Variants in NRG1 observed in about 807,000 individuals in gnomAD.
NRG1 encodes the protein neuregulin 1.
Under a neutral mutation model 63.8 loss-of-function variants are expected in NRG1, and 18 were observed. That is an observed-to-expected ratio of 0.28 (90% CI 0.19 to 0.42). The LOEUF is 0.42. Among genes scored for constraint, NRG1 ranks in the 10% least tolerant of loss-of-function variants. NRG1 has a pLI of 1.00. For missense variants in NRG1, 762 were observed against 814.7 expected (o/e 0.94, Z 0.79); for synonymous variants, 302 against 301.3 (o/e 1.00, Z -0.02).
intron 1 of NRG1, among the ~76,000 whole-genome samples, chr8:32,235,127 C>T (rs769563742): frequency 9.4e-5 from 14 of 149,162 alleles, no homozygotes; most frequent in East Asian, 6.0e-4. Flanking sequence ...AAACAAATGC[C>T]GCACACCTGT....
chr8:32,585,109 A>G (rs12056746), intron 1 of NRG1, among the ~76,000 whole-genome samples: 38,972 of 152,056 alleles, frequency 0.26, 5,107 homozygotes, highest in South Asian at 0.33. Context: ...TAAGAAAATA[A>G]GTAAATATAT....
chr8:32,386,904 C>T (rs926782268), intron 1 of NRG1, among the ~76,000 whole-genome samples: 5 of 152,066 alleles, frequency 3.3e-5, no homozygotes, highest in Non-Finnish European at 5.9e-5. Context: ...CAGAGCAAAT[C>T]AAGACATAGC....
At chr8:32,576,279 A>C (rs1010233876) in intron 1 of NRG1, among the ~76,000 whole-genome samples, 1 of 152,208 alleles carries the variant, frequency 6.6e-6, no homozygotes, top group Non-Finnish European at 1.5e-5. Flanking sequence ...TGTCTAGCTC[A>C]GGAGAAACTT....
chr8:32,331,656 C>A (rs1015782465), intron 1 of NRG1, among the ~76,000 whole-genome samples: 1 of 152,146 alleles, frequency 6.6e-6, no homozygotes, highest in African/African-American at 2.4e-5. Context: ...ATCTTTACAT[C>A]ACAATGCAAA....
chr8:31,655,869 A>C (rs1369412682), intron 1 of NRG1, among the ~76,000 whole-genome samples: 2 of 152,208 alleles, frequency 1.3e-5, no homozygotes, highest in Non-Finnish European at 2.9e-5. Flanking sequence ...CAATGCCTAC[A>C]AAGGGCGGTG....
chr8:32,221,505 AAGGCAAATACATAGATATTTTGG>A (rs1232368953), intron 1 of NRG1, among the ~76,000 whole-genome samples: 1 of 152,234 alleles, frequency 6.6e-6, no homozygotes, highest in Non-Finnish European at 1.5e-5. Context: ...AAGATGGGGT[AAGGCAAATACATAGATATTTTGG>A]AGATCTTATC....
intron 1 of NRG1, among the ~76,000 whole-genome samples, chr8:31,759,662 T>A (rs1817331746): frequency 6.6e-6 from 1 of 152,106 alleles, no homozygotes; most frequent in Non-Finnish European, 1.5e-5. Context: ...CTAACTTTGT[T>A]TTTCTCTTTT....
intron 1 of NRG1, among the ~76,000 whole-genome samples, chr8:31,855,815 C>G (rs1489280851): frequency 2.6e-5 from 4 of 152,024 alleles, no homozygotes; most frequent in Admixed American, 1.3e-4. Context: ...CTGGTGGTGA[C>G]AAAATCTCTC....
intron 1 of NRG1, among the ~76,000 whole-genome samples, chr8:31,976,869 A>G (rs938777763): frequency 1.3e-5 from 2 of 152,204 alleles, no homozygotes; most frequent in Admixed American, 6.5e-5. Flanking sequence ...ATATATATCA[A>G]TGAAAACGTA....
upstream of NRG1, among the ~76,000 whole-genome samples, chr8:32,543,897 G>C (rs574127084): frequency 6.6e-6 from 1 of 152,272 alleles, no homozygotes; most frequent in South Asian, 2.1e-4. Context: ...TTGCTGGTCA[G>C]AAGTGCTTTG....
At chr8:32,647,883 G>C in intron 5 of NRG1, 2 of 1,614,086 alleles carry the variant, frequency 1.2e-6, no homozygotes, top group South Asian at 1.1e-5. Flanking sequence ...GGGCCTGGCC[G>C]TGCCCTGCTG....
At chr8:31,857,455 C>G (rs1334063765) in intron 1 of NRG1, among the ~76,000 whole-genome samples, 1 of 152,244 alleles carries the variant, frequency 6.6e-6, no homozygotes, top group African/African-American at 2.4e-5. Context: ...GAGGCAATGC[C>G]TCGCCCTGCT....
chr8:31,663,253 C>G (rs1806187498), intron 1 of NRG1, among the ~76,000 whole-genome samples: 2 of 152,178 alleles, frequency 1.3e-5, no homozygotes, highest in African/African-American at 4.8e-5. Context: ...TATACCCAAG[C>G]ACTGTTTACC....
intron 1 of NRG1, among the ~76,000 whole-genome samples, chr8:31,887,305 T>C (rs746549872): frequency 6.6e-6 from 1 of 152,074 alleles, no homozygotes; most frequent in Non-Finnish European, 1.5e-5. Context: ...TTTAAAAGCT[T>C]TCAGGCGCTC....
chr8:32,488,613 CCAAACAAA>C (rs34689410), intron 1 of NRG1, among the ~76,000 whole-genome samples: 79 of 150,286 alleles, frequency 5.3e-4, no homozygotes, highest in African/African-American at 1.8e-3. Flanking sequence ...CCATCTCTAC[CCAAACAAA>C]CAAACAAACA....
intron 1 of NRG1, among the ~76,000 whole-genome samples, chr8:32,503,334 G>A (rs150312810): frequency 0.013 from 1,486 of 111,936 alleles, 32 homozygotes; most frequent in African/African-American, 0.045. Flanking sequence ...AACTTAAATA[G>A]ATAAACTTTA....
chr8:32,762,600 G>A lies in NRG1; in HGVS notation c.1260-1148G>A, dbSNP rs181519001. On this transcript the variant is annotated intron_variant, in intron 11 of 11. Coordinates refer to ENST00000356819, the Ensembl canonical transcript of NRG1. ...CTCACGTCTGTATCACTGTGACTCC[G>A]GGAGAAGCAGGGAGGTTCATACGTT... 2.3e-3 allele frequency among the ~76,000 whole-genome samples: 354 copies of A among 152,250 alleles called. 1 individual carries two copies. Among genetic ancestry groups the A allele is most frequent in the African/African-American group, 7.7e-3 (319 of 41,538 alleles).
chr8:32,289,167 A>G (rs767697633), intron 1 of NRG1, among the ~76,000 whole-genome samples: 1 of 152,184 alleles, frequency 6.6e-6, no homozygotes, highest in Non-Finnish European at 1.5e-5. Flanking sequence ...TGACTCCTTA[A>G]AAGATATGCA....
chr8:32,451,952 A>C lies in NRG1; in HGVS notation c.38-143876A>C, dbSNP rs4733337. Among the ~76,000 whole-genome samples, 100 of 151,938 alleles carry C rather than the reference A, an allele frequency of 6.6e-4. 1 individual carries two copies. The highest frequency in any genetic ancestry group is 2.5e-4 in the Non-Finnish European group (17 of 67,952). On this transcript the variant is annotated intron_variant, in intron 1 of 10. Transcript: ENST00000519301. ...GTGATTCTCCCACCTCAGCCTCCCA[A>C]GTAGCAGGGATCACAGGCTCGTGCT...
Sources: gnomAD v4.1 joint callset for allele counts (sites outside exome capture counted in the v4.1 genomes callset) on GRCh38, gnomAD v4.1.1 for gene constraint, MANE v1.5 for transcripts, NCBI Gene and HGNC (gene_info 2026-07-23, HGNC 2026-07-21) for gene names.